Variants in ACOXL observed in about 807,000 individuals in gnomAD.
ACOXL encodes acyl-coenzyme A oxidase-like protein.
In ACOXL, 70 loss-of-function variants were observed where a neutral mutation model predicts 71.9. The observed-to-expected ratio is 0.97, with a 90% CI of 0.80 to 1.19. ACOXL has a LOEUF of 1.19. Ranked by LOEUF, ACOXL falls within the 50% of genes most tolerant of loss-of-function variation. ACOXL has a pLI of 0.00. For missense variants in ACOXL, 703 were observed against 736.3 expected (o/e 0.95, Z 0.52); for synonymous variants, 253 against 281.6 (o/e 0.90, Z 1.02).
chr2:111,045,283 GT>G (rs1001628814), intron 15 of ACOXL, among the ~76,000 whole-genome samples: 1 of 152,208 alleles, frequency 6.6e-6, no homozygotes, highest in Non-Finnish European at 1.5e-5. Flanking sequence ...TCATTTTGAG[GT>G]TTTTTCCTCC....
intron 15 of ACOXL, among the ~76,000 whole-genome samples, chr2:111,036,205 G>A (rs1490868715): frequency 6.6e-6 from 1 of 152,224 alleles, no homozygotes; most frequent in Non-Finnish European, 1.5e-5. Context: ...GAGGGGAAGA[G>A]TGGGAGGACC....
chr2:110,976,234 A>G (rs1489695155), intron 12 of ACOXL, among the ~76,000 whole-genome samples: 1 of 152,230 alleles, frequency 6.6e-6, no homozygotes, highest in Non-Finnish European at 1.5e-5. Flanking sequence ...GAAGGATGCA[A>G]CGGCTTCTCA....
At chr2:110,998,248 G>T (rs10197016) in intron 14 of ACOXL, among the ~76,000 whole-genome samples, 1 of 152,006 alleles carries the variant, frequency 6.6e-6, no homozygotes, top group South Asian at 2.1e-4. Flanking sequence ...TTAGTAATTA[G>T]AGAAACATAG....
At chr2:110,787,264 G>C (rs1348470704) in intron 3 of ACOXL, among the ~76,000 whole-genome samples, 1 of 152,138 alleles carries the variant, frequency 6.6e-6, no homozygotes, top group Non-Finnish European at 1.5e-5. Context: ...GCCGGGTGCG[G>C]TGACTCACGC....
At chr2:111,041,008 A>C (rs1214734901) in intron 15 of ACOXL, among the ~76,000 whole-genome samples, 1 of 152,080 alleles carries the variant, frequency 6.6e-6, no homozygotes, top group African/African-American at 2.4e-5. Flanking sequence ...CAACAGCAGC[A>C]GGCCTGCGTG....
chr2:111,018,833 C>T (rs1472498852), intron 14 of ACOXL, among the ~76,000 whole-genome samples: 1 of 152,110 alleles, frequency 6.6e-6, no homozygotes, highest in African/African-American at 2.4e-5. Context: ...CCCCAAATTG[C>T]AGTTGGGTTA....
At chr2:110,861,412 A>G (rs984484213) in intron 10 of ACOXL, among the ~76,000 whole-genome samples, 1 of 152,146 alleles carries the variant, frequency 6.6e-6, no homozygotes, top group African/African-American at 2.4e-5. Flanking sequence ...CCGGTGGGAC[A>G]GAAAATTCAG....
chr2:110,817,684 G>GT (rs1180094894), intron 9 of ACOXL, among the ~76,000 whole-genome samples: 1 of 152,160 alleles, frequency 6.6e-6, no homozygotes, highest in Non-Finnish European at 1.5e-5. Flanking sequence ...GGTAGTTAGG[G>GT]TGATGGACAT....
At chr2:110,758,042 T>G (rs1435914294) in intron 1 of ACOXL, among the ~76,000 whole-genome samples, 1 of 152,212 alleles carries the variant, frequency 6.6e-6, no homozygotes, top group East Asian at 1.9e-4. Context: ...ATTTAAGTCT[T>G]TAATCCAACT....
At chr2:111,105,844 G>C (rs1206894951) in intron 17 of ACOXL, among the ~76,000 whole-genome samples, 1 of 152,102 alleles carries the variant, frequency 6.6e-6, no homozygotes, top group Non-Finnish European at 1.5e-5. Flanking sequence ...TTTAGCACCT[G>C]AACACATTTC....
chr2:111,031,229 A>G (rs2065249677), intron 14 of ACOXL, among the ~76,000 whole-genome samples: 1 of 152,186 alleles, frequency 6.6e-6, no homozygotes, highest in South Asian at 2.1e-4. Flanking sequence ...TCCTGACTGC[A>G]AGGGAAGGAA....
At chr2:110,861,613 G>A (rs907402609) in intron 10 of ACOXL, among the ~76,000 whole-genome samples, 7 of 151,648 alleles carry the variant, frequency 4.6e-5, no homozygotes, top group African/African-American at 7.3e-5. Context: ...TTCACACAGG[G>A]TAGTTGATGG....
At chr2:111,086,431 T>C (rs1261829718) in intron 16 of ACOXL, among the ~76,000 whole-genome samples, 1 of 152,202 alleles carries the variant, frequency 6.6e-6, no homozygotes. Flanking sequence ...ATAAATGTGA[T>C]TCATCACATA....
intron 9 of ACOXL, among the ~76,000 whole-genome samples, chr2:110,818,678 C>T (rs1038999114): frequency 4.6e-5 from 7 of 151,872 alleles, no homozygotes; most frequent in South Asian, 2.1e-4. Flanking sequence ...CCCATTTTTA[C>T]GTATGACCTT....
chr2:111,020,728 GCT>G (rs2064713881), intron 14 of ACOXL, among the ~76,000 whole-genome samples: 1 of 152,174 alleles, frequency 6.6e-6, no homozygotes, highest in South Asian at 2.1e-4. Flanking sequence ...AATGATGTGG[GCT>G]CTCATGCAGC....
At chr2:110,927,688 G>A (rs1344318572) in intron 11 of ACOXL, among the ~76,000 whole-genome samples, 3 of 152,186 alleles carry the variant, frequency 2.0e-5, no homozygotes, top group African/African-American at 7.2e-5. Flanking sequence ...TGTAAATTCT[G>A]TGAGCACAGA....
intron 17 of ACOXL, among the ~76,000 whole-genome samples, chr2:111,096,697 C>T (rs534087419): frequency 6.6e-6 from 1 of 152,184 alleles, no homozygotes; most frequent in East Asian, 1.9e-4. Flanking sequence ...CTTGTTTCTT[C>T]TGTGTGTCTG....
intron 14 of ACOXL, among the ~76,000 whole-genome samples, chr2:111,012,855 A>C (rs2064231907): frequency 6.6e-6 from 1 of 152,216 alleles, no homozygotes; most frequent in Non-Finnish European, 1.5e-5. Context: ...AAATATTTTT[A>C]AAAAGGTTTT....
At chr2:110,811,994 A>G (rs1185161552) in intron 9 of ACOXL, among the ~76,000 whole-genome samples, 7 of 152,150 alleles carry the variant, frequency 4.6e-5, no homozygotes, top group African/African-American at 1.7e-4. Flanking sequence ...TTACTTTCGT[A>G]TGTAAGAAGT....
Sources: gnomAD v4.1 joint callset for allele counts (sites outside exome capture counted in the v4.1 genomes callset) on GRCh38, gnomAD v4.1.1 for gene constraint, MANE v1.5 for transcripts, NCBI Gene and HGNC (gene_info 2026-07-23, HGNC 2026-07-21) for gene names.